The following CPAMD8 variants were observed in gnomAD, a reference collection of about 807,000 sequenced individuals.
The protein encoded by CPAMD8 is C3 and PZP like alpha-2-macroglobulin domain containing 8.
Under a neutral mutation model 224.7 loss-of-function variants are expected in CPAMD8, and 146 were observed. The ratio of observed to expected loss-of-function variants is 0.65; its 90% CI spans 0.57 to 0.75. The LOEUF (loss-of-function observed/expected upper bound fraction) is 0.75, where lower values mean the gene tolerates loss of function less well. Ranked by LOEUF, CPAMD8 falls within the 30% of genes least tolerant of loss-of-function variation. CPAMD8 has a pLI of 0.00. For missense variants in CPAMD8, 2,301 were observed against 2,537.5 expected, an observed-to-expected ratio of 0.91 and a Z score of 2.00; for synonymous variants, 966 against 1,044.6, an observed-to-expected ratio of 0.92 and a Z score of 1.45.
chr19:17,015,285 C>T (rs1215645113), intron 3 of CPAMD8, among the ~76,000 whole-genome samples: 1 of 152,142 alleles, frequency 6.6e-6, no homozygotes, highest in African/African-American at 2.4e-5. Context: ...AACTATCCAA[C>T]TGTGGGGTGT....
intron 14 of CPAMD8, among the ~76,000 whole-genome samples, chr19:16,978,727 T>C (rs1302083961): frequency 6.6e-6 from 1 of 152,112 alleles, no homozygotes; most frequent in African/African-American, 2.4e-5. Context: ...GAAGGAGGGA[T>C]CTTCTCTGTC....
chr19:17,024,995 G>A (rs935793152), intron 1 of CPAMD8, among the ~76,000 whole-genome samples: 2 of 152,192 alleles, frequency 1.3e-5, no homozygotes, highest in Admixed American at 6.5e-5. Context: ...ATCCCAGGTC[G>A]GTCATTTGGG....
At chr19:17,002,235 C>A (rs763221507) in intron 9 of CPAMD8, 31 bp downstream of exon 9, 19 of 1,437,890 alleles carry the variant, frequency 1.3e-5, no homozygotes, top group South Asian at 2.4e-5. Context: ...AAGGGCCCCC[C>A]CAGTGTGCCC....
chr19:16,990,717 G>A (rs750953623), intron 12 of CPAMD8, among the ~76,000 whole-genome samples: 1 of 151,748 alleles, frequency 6.6e-6, no homozygotes, highest in Non-Finnish European at 1.5e-5. Context: ...CAAAAAATTA[G>A]CCGGGCATGG....
rs778050552 is a variant in CPAMD8 at position 16,914,629 on chromosome 19, C to G, written c.3786+28G>C. On this transcript the variant is annotated intron_variant, in intron 28 of 41. Transcript: ENST00000443236. ...GGGCTCTGGGAGGAGGTGAGGGGCC[C>G]GGGAAGGAGGCTCAAGGGGCCACTC... 3.7e-6 allele frequency: 6 copies of G among 1,613,458 alleles called. No individual in the cohort carries two copies. In the African/African-American group the frequency reaches 4.0e-5, roughly 11 times the overall value.
At chr19:16,895,886 C>A (rs2227366) in intron 41 of CPAMD8, 147,244 of 475,090 alleles carry the variant, frequency 0.31, 22,881 homozygotes, top group Non-Finnish European at 0.36. Flanking sequence ...GACCCGTATG[C>A]GCGCGCGCGC....
intron 18 of CPAMD8, among the ~76,000 whole-genome samples, chr19:16,967,815 AT>A (rs1331907262): frequency 2.2e-4 from 29 of 130,088 alleles, no homozygotes; most frequent in African/African-American, 6.8e-4. Context: ...TCTCACCAAA[AT>A]ATATATATAT....
At chr19:16,970,647 G>C (rs2055028743) in intron 18 of CPAMD8, among the ~76,000 whole-genome samples, 1 of 151,994 alleles carries the variant, frequency 6.6e-6, no homozygotes, top group African/African-American at 2.4e-5. Context: ...GCCATATGAG[G>C]ATACAGCAAG....
intron 13 of CPAMD8, among the ~76,000 whole-genome samples, chr19:16,981,263 A>AAGTGGGAG (rs1339636766): frequency 6.6e-6 from 1 of 152,132 alleles, no homozygotes; most frequent in Admixed American, 6.5e-5. Context: ...CAGGGGGCTG[A>AAGTGGGAG]AGTGGGAGGG....
rs1017046397 is a variant in CPAMD8, at chr19:16,899,687, T to A, written c.4774-138A>T. 2.6e-5 allele frequency: 16 copies of A among 623,212 alleles called. No homozygotes were observed. Among genetic ancestry groups the A allele is most frequent in the African/African-American group, 2.2e-4 (12 of 55,222 alleles). 38.6% of individuals were successfully genotyped at this position (623,212 alleles called of 1,614,324 possible). Reference sequence around the variant, plus strand: ...CTGGGGTCTGGGTGCTGGTCAGTGCTCCCCAGGCCCTGCCAGCCTCTCAGC... The same window carrying A: ...CTGGGGTCTGGGTGCTGGTCAGTGCACCCCAGGCCCTGCCAGCCTCTCAGC... On this transcript the variant is annotated intron_variant, in intron 36 of 41. Transcript: ENST00000443236. The surrounding 1 kb of genome is among the most constrained non-coding windows in gnomAD (Gnocchi z 5.4).
Position 17,005,370 on chromosome 19 carries a change from C to T in CPAMD8, c.560-984G>A, listed in dbSNP as rs187408674. Among the ~76,000 whole-genome samples the T allele has an allele frequency of 5.9e-5, 9 of 152,212 alleles. No homozygotes were observed. In the East Asian group the frequency reaches 1.2e-3, roughly 20 times the overall value. ...TTGCCATGTCCCCTGGGGGCAGAAT[C>T]GCCTGTCCGACCCCCCACCCCTCCA... is the stretch of plus-strand genomic sequence containing the variant. On this transcript the variant is annotated intron_variant, in intron 7 of 41. Coordinates refer to ENST00000443236, the MANE Select transcript of CPAMD8 (RefSeq NM_015692.5).
At chr19:16,908,947 C>A (rs1040116069) in intron 29 of CPAMD8, among the ~76,000 whole-genome samples, 2 of 152,112 alleles carry the variant, frequency 1.3e-5, no homozygotes, top group Admixed American at 6.6e-5. Flanking sequence ...AAGGACGCTG[C>A]GGAGACCACA....
intron 32 of CPAMD8, 146 bp downstream of exon 32, chr19:16,904,080 C>G (rs1007368881): frequency 1.4e-5 from 14 of 1,014,420 alleles, no homozygotes; most frequent in Non-Finnish European, 2.0e-5. Flanking sequence ...GGGCATCTGT[C>G]CCTCACCCCC....
chr19:16,993,282 T>C, intron 12 of CPAMD8, 134 bp downstream of exon 12: 1 of 675,894 alleles, frequency 1.5e-6, no homozygotes, highest in East Asian at 2.7e-5. Context: ...CATCCCACTG[T>C]CTAGTGGAAT....
intron 27 of CPAMD8, among the ~76,000 whole-genome samples, chr19:16,915,190 C>T (rs1233008490): frequency 6.6e-6 from 1 of 152,050 alleles, no homozygotes; most frequent in African/African-American, 2.4e-5. Flanking sequence ...TGCCAAAAGG[C>T]CCCTGATCTC....
intron 22 of CPAMD8, among the ~76,000 whole-genome samples, chr19:16,940,802 G>T (rs1182249658): frequency 6.6e-6 from 1 of 152,162 alleles, no homozygotes; most frequent in Non-Finnish European, 1.5e-5. Flanking sequence ...TGCTAAGCTA[G>T]GGGGCACCAG....
At chr19:16,978,219 G>C (rs2055350930) in intron 14 of CPAMD8, among the ~76,000 whole-genome samples, 1 of 152,108 alleles carries the variant, frequency 6.6e-6, no homozygotes, top group Non-Finnish European at 1.5e-5. Context: ...GGCAACAGGA[G>C]GAAGTGGGTA....
intron 14 of CPAMD8, among the ~76,000 whole-genome samples, chr19:16,978,220 G>T (rs901883259): frequency 6.6e-6 from 1 of 152,136 alleles, no homozygotes; most frequent in African/African-American, 2.4e-5. Context: ...GCAACAGGAG[G>T]AAGTGGGTAC....
chr19:16,975,799 C>T (rs1018502022), intron 16 of CPAMD8, among the ~76,000 whole-genome samples: 4 of 152,212 alleles, frequency 2.6e-5, no homozygotes, highest in African/African-American at 9.7e-5. Context: ...GACCTTGACT[C>T]CCTGATCTTG....
Sources: gnomAD v4.1 joint callset for allele counts (sites outside exome capture counted in the v4.1 genomes callset) on GRCh38, gnomAD v4.1.1 for gene constraint, Gnocchi (gnomAD v3.1) non-coding constraint, MANE v1.5 for transcripts, NCBI Gene and HGNC (gene_info 2026-07-23, HGNC 2026-07-21) for gene names.